The following BCAP31 variants were observed in gnomAD, a reference collection of about 807,000 sequenced individuals.
The protein encoded by BCAP31 is B cell receptor associated protein 31.
For synonymous variants in BCAP31, 75 were observed against 80.9 expected (o/e 0.93, Z 0.39); for missense variants, 124 against 193.0 (o/e 0.64, Z 2.12).
Position 153,723,172 on chromosome X carries a change from G to T in BCAP31, c.73C>A (p.Pro25Thr). 2 of 1,210,586 alleles carry T rather than the reference G, an allele frequency of 1.7e-6. No homozygotes were observed. The highest frequency in any genetic ancestry group is 2.2e-6 in the Non-Finnish European group (2 of 895,189). The change falls in exon 2 of 8, where the codon CCC becomes ACC. Residue 25 changes from proline to threonine, a missense_variant. Coordinates refer to ENST00000345046, the MANE Select transcript of BCAP31 (RefSeq NM_001256447.2). ...CCATACCTTTTAGGAGAAATGAAGG[G>T]AATGCAGAGAAGCAACACAACAAAG... ...EVFVVLLLCI[P>T]FISPKRWQKI...
At chrX:153,704,398 C>T (rs2091540353) in intron 4 of BCAP31, among the ~76,000 whole-genome samples, 4 of 112,081 alleles carry the variant, frequency 3.6e-5, no homozygotes, top group Non-Finnish European at 5.6e-5. Context: ...CGGCACTTTC[C>T]GGGTCGGGGC....
intron 4 of BCAP31, among the ~76,000 whole-genome samples, chrX:153,713,630 C>T (rs193142500): frequency 4.4e-4 from 49 of 111,656 alleles, no homozygotes; most frequent in South Asian, 3.7e-4. Context: ...CCTCAAGCAT[C>T]GGTGGCAATG....
At chrX:153,715,368 G>T in intron 4 of BCAP31, 174 bp downstream of exon 4, 1 of 691,053 alleles carries the variant, frequency 1.4e-6, no homozygotes, top group Non-Finnish European at 2.1e-6. Flanking sequence ...CGCTGCCTCT[G>T]GAGGTCAGGA....
chrX:153,713,068 A>G (rs374991789), intron 4 of BCAP31, among the ~76,000 whole-genome samples: 2 of 111,154 alleles, frequency 1.8e-5, no homozygotes, highest in African/African-American at 3.3e-5. Flanking sequence ...TTAGCAGGGC[A>G]TGGTGGCGGG....
At chrX:153,704,502 A>G (rs782177232) in intron 4 of BCAP31, among the ~76,000 whole-genome samples, 57 of 112,401 alleles carry the variant, frequency 5.1e-4, no homozygotes, top group African/African-American at 1.7e-3. Context: ...CAATCCAAGC[A>G]CTTCCAACAT....
chrX:153,700,730 G>A lies in BCAP31; in HGVS notation c.*207C>T, dbSNP rs1346774009. 6 of 391,414 alleles carry A rather than the reference G, an allele frequency of 1.5e-5. No homozygotes were observed. Among genetic ancestry groups the A allele is most frequent in the African/African-American group, 2.7e-5 (1 of 37,351 alleles). The allele number at this position is 391,414 out of a possible 1,213,427, so 32.3% of individuals were successfully genotyped here. A position where few individuals can be genotyped will look rare whatever the true frequency, so the allele number is the denominator to read the frequency against. On this transcript the variant is annotated 3_prime_UTR_variant, in exon 8 of 8. Transcript: ENST00000345046. ...CAGGCCAAGCAGGATGACAGCAAAC[G>A]CATTCTGAACGTGTAGCAATCAGGT...
intron 4 of BCAP31, among the ~76,000 whole-genome samples, chrX:153,710,570 G>C (rs1193137125): frequency 3.6e-5 from 4 of 112,082 alleles, no homozygotes; most frequent in African/African-American, 1.3e-4. Context: ...GCAGAGGCAG[G>C]ACAAAAGCTC....
In BCAP31 at chrX:153,702,800, T is replaced by C. The variant is rs781898104; in HGVS notation, c.601+135A>G. 1.4e-5 allele frequency: 13 copies of C among 923,042 alleles called. No homozygotes were observed. The African/African-American group carries it at 1.8e-4, about 13-fold the overall frequency. 76.1% of individuals were successfully genotyped at this position (923,042 alleles called of 1,213,427 possible). A position where few individuals can be genotyped will look rare whatever the true frequency, so the allele number is the denominator to read the frequency against. On this transcript the variant is annotated intron_variant, in intron 6 of 7. Coordinates refer to ENST00000345046, the MANE Select transcript of BCAP31 (RefSeq NM_001256447.2). Reference sequence around the variant, plus strand: ...TTGGGGTTGGAGGCGCAGGGTGCTATTGGTCTGTTTTCAGCCAGCCCTCGA... The same window carrying C: ...TTGGGGTTGGAGGCGCAGGGTGCTACTGGTCTGTTTTCAGCCAGCCCTCGA...
Position 153,723,585 on chromosome X carries a change from T to A in BCAP31, c.-44-297A>T, listed in dbSNP as rs1335340164. 13 of 1,167,224 alleles carry A rather than the reference T, an allele frequency of 1.1e-5. No homozygotes were observed. Among genetic ancestry groups the A allele is most frequent in the Admixed American group, 7.7e-5 (3 of 38,788 alleles). On this transcript the variant is annotated intron_variant, in intron 1 of 7. Transcript: ENST00000345046. ...TCCCTGCCCCAGGAAGCCCGAGATTTCCGACGCCCGTTTAACTGAAAGGCG... is the reference window on the plus strand; with the variant it reads ...TCCCTGCCCCAGGAAGCCCGAGATTACCGACGCCCGTTTAACTGAAAGGCG...
intron 4 of BCAP31, among the ~76,000 whole-genome samples, chrX:153,711,150 C>G (rs1457788685): frequency 2.8e-5 from 2 of 71,735 alleles, no homozygotes; most frequent in African/African-American, 5.6e-5. Context: ...CCAGAGCTCC[C>G]TTTCCAGCAG....
intron 6 of BCAP31, 85 bp downstream of exon 6, chrX:153,702,844 TTACTAA>T (rs1249871850): frequency 8.8e-7 from 1 of 1,139,893 alleles, no homozygotes; most frequent in African/African-American, 1.8e-5. Flanking sequence ...GCAAGGCTTG[TTACTAA>T]TACTTTGGCA....
intron 4 of BCAP31, among the ~76,000 whole-genome samples, chrX:153,706,313 C>T (rs1367910678): frequency 8.9e-6 from 1 of 111,904 alleles, no homozygotes; most frequent in East Asian, 2.8e-4. Context: ...CCCCAGGAAC[C>T]TCACCTTCAA....
chrX:153,723,572 G>A (rs2091684052), intron 1 of BCAP31: 1 of 1,168,269 alleles, frequency 8.6e-7, no homozygotes, highest in Non-Finnish European at 1.1e-6. Flanking sequence ...CCTGCCCCAG[G>A]AAGCCCGAGA....
intron 4 of BCAP31, chrX:153,705,600 G>A (rs1295349598): frequency 8.8e-6 from 1 of 113,124 alleles, no homozygotes; most frequent in East Asian, 2.8e-4. Flanking sequence ...AAGCTACTGA[G>A]CGCCCTAGGA....
At chrX:153,709,529 C>T (rs782409388) in intron 4 of BCAP31, among the ~76,000 whole-genome samples, 11 of 112,568 alleles carry the variant, frequency 9.8e-5, no homozygotes, top group African/African-American at 3.5e-4. Flanking sequence ...CTCCAAGACT[C>T]AAGAGGGCCT....
intron 4 of BCAP31, among the ~76,000 whole-genome samples, chrX:153,714,445 G>A (rs1421233213): frequency 1.8e-5 from 2 of 111,255 alleles, no homozygotes; most frequent in Non-Finnish European, 3.8e-5. Flanking sequence ...AAGACAGCAA[G>A]CTTGTAGATC....
intron 4 of BCAP31, among the ~76,000 whole-genome samples, chrX:153,708,993 G>T (rs1557048692): frequency 8.9e-6 from 1 of 112,261 alleles, no homozygotes. Flanking sequence ...CACCCATCCT[G>T]AGGACAGTGC....
At chrX:153,702,896 G>A (rs1557047677) in intron 6 of BCAP31, 39 bp downstream of exon 6, 1 of 1,203,901 alleles carries the variant, frequency 8.3e-7, no homozygotes, top group East Asian at 3.0e-5. Flanking sequence ...AGGCTCCTCT[G>A]GACTTCCCTG....
chrX:153,702,957 G>A lies in BCAP31; in HGVS notation c.579C>T (p.Asp193=), dbSNP rs141341467. Residue 193 remains aspartate, a synonymous_variant, in exon 6 of 8, where the codon GAC becomes GAT. Transcript: ENST00000345046. The stretch of plus-strand genomic sequence containing the variant: ...CACTTTGCTTAGTGCTGGCCAGCTC[G>A]TCCTTTAGCTTCTGCAGGTCAGCCT... ...SLKADLQKLK[D]ELASTKQKLE... is the part of the protein sequence containing the mutation. 1.3e-4 allele frequency: 154 copies of A among 1,208,861 alleles called. 1 individual carries two copies. The highest frequency in any genetic ancestry group is 4.5e-4 in the African/African-American group (26 of 57,373).
Sources: allele counts gnomAD v4.1 joint callset (sites outside exome capture counted in the v4.1 genomes callset), GRCh38; gene constraint gnomAD v4.1.1; transcripts MANE v1.5; gene names NCBI Gene and HGNC (gene_info 2026-07-23, HGNC 2026-07-21).